Variants in ATP8B4 observed in about 807,000 individuals in gnomAD.
ATP8B4 encodes the protein probable phospholipid-transporting ATPase IM.
In ATP8B4, 133 loss-of-function variants were observed where a neutral mutation model predicts 145.6. That is an observed-to-expected ratio of 0.91 (90% CI 0.79 to 1.05). The LOEUF (loss-of-function observed/expected upper bound fraction) is 1.05, where lower values mean the gene tolerates loss of function less well. ATP8B4 is among the 50% of genes least tolerant of loss of function. The pLI is 0.00. For synonymous variants in ATP8B4, 507 were observed against 492.9 expected (o/e 1.03, Z -0.38); for missense variants, 1,458 against 1,425.2 (o/e 1.02, Z -0.37).
intron 6 of ATP8B4, among the ~76,000 whole-genome samples, chr15:50,030,390 G>C (rs762246620): frequency 6.6e-6 from 1 of 152,150 alleles, no homozygotes. Context: ...CGCTGCAATA[G>C]ATTTGAGTTC....
chr15:49,861,444 G>A (rs1369109117), intron 27 of ATP8B4, among the ~76,000 whole-genome samples: 29 of 144,918 alleles, frequency 2.0e-4, no homozygotes, highest in Admixed American at 1.2e-3. Context: ...CTGTCTGTCT[G>A]TCTGTCTGTC....
intron 1 of ATP8B4, among the ~76,000 whole-genome samples, chr15:50,138,405 G>GACAGAC (rs1595637509): frequency 9.4e-6 from 1 of 106,762 alleles, no homozygotes; most frequent in Non-Finnish European, 1.7e-5. Flanking sequence ...GACAGACAGA[G>GACAGAC]AGATGATAGA....
chr15:49,963,992 T>C (rs982435473), intron 13 of ATP8B4, among the ~76,000 whole-genome samples: 2 of 152,212 alleles, frequency 1.3e-5, no homozygotes, highest in Non-Finnish European at 2.9e-5. Context: ...AAGTGAAGAT[T>C]TTCATTTCTG....
At chr15:50,026,987 T>C (rs148786246) in intron 6 of ATP8B4, among the ~76,000 whole-genome samples, 1 of 152,254 alleles carries the variant, frequency 6.6e-6, no homozygotes, top group East Asian at 1.9e-4. Context: ...CTAGTAATCC[T>C]CTATGGCCTG....
intron 13 of ATP8B4, among the ~76,000 whole-genome samples, chr15:49,969,475 A>G (rs753946673): frequency 6.6e-6 from 1 of 152,192 alleles, no homozygotes; most frequent in African/African-American, 2.4e-5. Flanking sequence ...TAAAACTACC[A>G]TGAGATAATA....
chr15:49,898,260 T>C lies in ATP8B4; in HGVS notation c.2290-9A>G. The stretch of plus-strand genomic sequence containing the variant: ...CTTTCTAGGGCATGAGCCTGTATGA[T>C]TAAAAATAAAATTCAAACAAGAACA... On this transcript the variant is annotated splice_polypyrimidine_tract_variant and intron_variant, in intron 21 of 27. Coordinates refer to ENST00000284509, the MANE Select transcript of ATP8B4 (RefSeq NM_024837.4). 5 of 1,605,554 alleles carry C rather than the reference T, an allele frequency of 3.1e-6. No individual in the cohort carries two copies. The highest frequency in any genetic ancestry group is 1.1e-5 in the South Asian group (1 of 90,588).
intron 6 of ATP8B4, among the ~76,000 whole-genome samples, chr15:50,013,590 A>G (rs1009615204): frequency 3.9e-5 from 6 of 152,180 alleles, no homozygotes; most frequent in African/African-American, 1.4e-4. Context: ...ATAATAAGAT[A>G]GCCTTTACCT....
chr15:50,010,846 G>C lies in ATP8B4; in HGVS notation c.434C>G (p.Ala145Gly). 6.5e-7 allele frequency: 1 copy of C among 1,536,166 alleles called. No homozygotes were observed. The highest frequency in any genetic ancestry group is 8.8e-7 in the Non-Finnish European group (1 of 1,134,434). ...ATTCAAACAATATTGAATACTTACA[G>C]CAACAAATTGGTTATTTTCTAATTT... Reference protein sequence around the residue: ...IIKLENNQFVAADLLLLSSSE... With the variant: ...IIKLENNQFVGADLLLLSSSE... Residue 145 changes from alanine (A) to glycine (G), a missense_variant and splice_region_variant, in exon 7 of 28, where the codon GCT becomes GGT. Physicochemically the swap from Ala to Gly is moderately conservative, Grantham distance 60. Coordinates refer to ENST00000284509, the MANE Select transcript of ATP8B4 (RefSeq NM_024837.4).
intron 3 of ATP8B4, among the ~76,000 whole-genome samples, chr15:50,053,196 T>G (rs8035652): frequency 0.24 from 37,058 of 152,056 alleles, 5,244 homozygotes; most frequent in East Asian, 0.6. Context: ...TCTTATGAAA[T>G]AGGTACTATT....
chr15:50,036,856 T>C (rs1014807646), intron 6 of ATP8B4, among the ~76,000 whole-genome samples: 34 of 152,222 alleles, frequency 2.2e-4, no homozygotes, highest in African/African-American at 8.2e-4. Context: ...TTCTCAATGA[T>C]AGATGATTCT....
intron 16 of ATP8B4, among the ~76,000 whole-genome samples, chr15:49,926,131 T>C (rs1474247427): frequency 1.3e-5 from 2 of 152,146 alleles, no homozygotes; most frequent in African/African-American, 4.8e-5. Flanking sequence ...TTTTCAAATG[T>C]GTATCTCCTG....
chr15:50,028,239 A>G (rs2050158449), intron 6 of ATP8B4, among the ~76,000 whole-genome samples: 2 of 152,152 alleles, frequency 1.3e-5, no homozygotes, highest in South Asian at 4.1e-4. Context: ...CTTACTTTCT[A>G]TGCTGTCTGC....
intron 14 of ATP8B4, among the ~76,000 whole-genome samples, chr15:49,959,423 A>T (rs12373013): frequency 0.22 from 33,787 of 151,958 alleles, 4,839 homozygotes; most frequent in Non-Finnish European, 0.31. Context: ...GAAGATATTT[A>T]AAAAAAGACC....
At chr15:50,087,606 G>A (rs1487942888) in intron 2 of ATP8B4, among the ~76,000 whole-genome samples, 3 of 151,754 alleles carry the variant, frequency 2.0e-5, no homozygotes, top group Non-Finnish European at 4.4e-5. Context: ...TAGAATTCCT[G>A]TGCTTTTGAG....
intron 15 of ATP8B4, 101 bp downstream of exon 15, chr15:49,933,916 C>T: frequency 7.7e-7 from 1 of 1,291,918 alleles, no homozygotes; most frequent in South Asian, 2.1e-5. Flanking sequence ...ACAAGGCTCA[C>T]TGCTCAAATG....
chr15:50,153,990 A>G (rs541316243), intron 1 of ATP8B4, among the ~76,000 whole-genome samples: 1 of 152,328 alleles, frequency 6.6e-6, no homozygotes, highest in South Asian at 2.1e-4. Flanking sequence ...TTAGTTTTAT[A>G]TTAGTGTATT....
upstream of ATP8B4, chr15:50,119,386 G>C (rs1352284983): frequency 6.6e-6 from 1 of 152,246 alleles, no homozygotes; most frequent in Non-Finnish European, 1.5e-5. Context: ...CAGAAGAAGA[G>C]GAAGACCTTA....
At chr15:50,172,088 C>T (rs9788756) in intron 1 of ATP8B4, among the ~76,000 whole-genome samples, 88,250 of 152,080 alleles carry the variant, frequency 0.58, 26,690 homozygotes, top group East Asian at 0.81. Context: ...AAGTCCAGGA[C>T]CAGACGGATT....
At chr15:50,013,914 T>C (rs1427293722) in intron 6 of ATP8B4, among the ~76,000 whole-genome samples, 10 of 152,136 alleles carry the variant, frequency 6.6e-5, no homozygotes, top group South Asian at 2.1e-4. Flanking sequence ...CTTGAGAAAA[T>C]GCAAGTCTGA....
Sources: gnomAD v4.1 joint callset for allele counts (sites outside exome capture counted in the v4.1 genomes callset) on GRCh38, gnomAD v4.1.1 for gene constraint, MANE v1.5 for transcripts, NCBI Gene and HGNC (gene_info 2026-07-23, HGNC 2026-07-21) for gene names.